Variants in STK3 observed in about 807,000 individuals in gnomAD.
The protein encoded by STK3 is serine/threonine-protein kinase 3.
Under a neutral mutation model 58.0 loss-of-function variants are expected in STK3, and 41 were observed. The ratio of observed to expected loss-of-function variants is 0.71; its 90% CI spans 0.55 to 0.92. The LOEUF is 0.92. Among genes scored for constraint, STK3 ranks in the 40% least tolerant of loss-of-function variants. The probability of loss-of-function intolerance (pLI) is 0.00; values close to 1 mark genes in which losing one functional copy is unlikely to be tolerated. For synonymous variants in STK3, 170 were observed against 191.0 expected (o/e 0.89, Z 0.91); for missense variants, 479 against 602.7 (o/e 0.79, Z 2.15).
chr8:98,567,931 G>A (rs1812624717), intron 8 of STK3, among the ~76,000 whole-genome samples: 1 of 152,008 alleles, frequency 6.6e-6, no homozygotes, highest in South Asian at 2.1e-4. Flanking sequence ...GGTGGCAGGC[G>A]CCTATAATCC....
intron 1 of STK3, among the ~76,000 whole-genome samples, chr8:98,795,807 A>C (rs916883921): frequency 1.9e-5 from 2 of 105,180 alleles, no homozygotes; most frequent in Non-Finnish European, 3.8e-5. Context: ...AATACAATAC[A>C]ATACAATACA....
At chr8:98,789,157 T>C (rs529534844) in intron 1 of STK3, among the ~76,000 whole-genome samples, 6 of 152,374 alleles carry the variant, frequency 3.9e-5, no homozygotes, top group South Asian at 2.1e-4. Context: ...TGCTTTTAAA[T>C]GATCATTGGG....
chr8:98,500,781 T>A (rs1220884416), intron 10 of STK3, among the ~76,000 whole-genome samples: 1 of 152,240 alleles, frequency 6.6e-6, no homozygotes, highest in Non-Finnish European at 1.5e-5. Context: ...GGTGTATACG[T>A]GCCACATCTT....
At chr8:98,642,699 T>TCCTATATGTA (rs565581498) in intron 6 of STK3, among the ~76,000 whole-genome samples, 1 of 152,166 alleles carries the variant, frequency 6.6e-6, no homozygotes, top group Non-Finnish European at 1.5e-5. Flanking sequence ...TTTTTAACCA[T>TCCTATATGTA]CCTATATGTA....
intron 4 of STK3, among the ~76,000 whole-genome samples, chr8:98,715,850 C>G (rs1182261199): frequency 6.6e-6 from 1 of 152,142 alleles, no homozygotes; most frequent in Non-Finnish European, 1.5e-5. Context: ...TACTGTGGCA[C>G]TATTCACAAT....
At chr8:98,813,824 GA>G (rs1290284775) in intron 1 of STK3, among the ~76,000 whole-genome samples, 1 of 151,942 alleles carries the variant, frequency 6.6e-6, no homozygotes, top group East Asian at 1.9e-4. Flanking sequence ...CACAAATTCA[GA>G]AAATATAGAC....
intron 3 of STK3, among the ~76,000 whole-genome samples, chr8:98,876,297 C>T (rs915922355): frequency 2.0e-5 from 3 of 152,172 alleles, no homozygotes; most frequent in African/African-American, 7.2e-5. Flanking sequence ...CACTTGATTG[C>T]TTGAAGTGGG....
chr8:98,707,314 G>T lies in STK3; in HGVS notation c.352-3C>A, dbSNP rs764899242. On this transcript the variant is annotated splice_region_variant and splice_polypyrimidine_tract_variant and intron_variant, in intron 4 of 10. Coordinates refer to ENST00000419617, the MANE Select transcript of STK3 (RefSeq NM_006281.4). Reference sequence around the variant, plus strand: ...GTTGCAATTTCATCTTCTATTAACTGGAAAGAAATATTTTTAAAACCATAA... The same window carrying T: ...GTTGCAATTTCATCTTCTATTAACTTGAAAGAAATATTTTTAAAACCATAA... 1 of 1,501,308 alleles carries T rather than the reference G, an allele frequency of 6.7e-7. No homozygotes were observed. Among genetic ancestry groups the T allele is most frequent in the African/African-American group, 1.4e-5 (1 of 70,792 alleles). 93.0% of individuals were successfully genotyped at this position (1,501,308 alleles called of 1,614,324 possible).
At chr8:98,600,126 T>C (rs1487439869) in intron 6 of STK3, among the ~76,000 whole-genome samples, 1 of 152,158 alleles carries the variant, frequency 6.6e-6, no homozygotes, top group Non-Finnish European at 1.5e-5. Context: ...ATTGGGAACA[T>C]GAACTCACAA....
Position 98,428,807 on chromosome 8 carries a change from G to A in STK3, n.483+5320C>T. 2 of 1,614,196 alleles carry A rather than the reference G, an allele frequency of 1.2e-6. No individual in the cohort carries two copies. Among genetic ancestry groups the A allele is most frequent in the Non-Finnish European group, 1.7e-6 (2 of 1,180,040 alleles). ...TCGTCCCCTTTTACATCACTCTGGTGGTGAACCTGGTGGTGGAGAGCACAC... is the reference window on the plus strand; with the variant it reads ...TCGTCCCCTTTTACATCACTCTGGTAGTGAACCTGGTGGTGGAGAGCACAC... On this transcript the variant is annotated intron_variant and non_coding_transcript_variant, in intron 3 of 3. Transcript: ENST00000517832. The surrounding 1 kb of genome is among the most constrained non-coding windows in gnomAD (Gnocchi z 6.7).
intron 1 of STK3, among the ~76,000 whole-genome samples, chr8:98,906,669 T>A (rs1353999064): frequency 6.6e-6 from 1 of 152,238 alleles, no homozygotes; most frequent in Non-Finnish European, 1.5e-5. Flanking sequence ...ATGTTATTTT[T>A]AAAAATTGCC....
rs568610831 is a variant in STK3, at chr8:98,777,578, G to A, written c.27-2759C>T. Among the ~76,000 whole-genome samples the A allele has an allele frequency of 6.6e-5, 10 of 152,312 alleles. No individual in the cohort carries two copies. In the South Asian group the frequency reaches 1.9e-3, roughly 28 times the overall value. On this transcript the variant is annotated intron_variant, in intron 1 of 10. Coordinates refer to ENST00000419617, the MANE Select transcript of STK3 (RefSeq NM_006281.4). ...TTATGGTAGTAGTAATGACAATGAA[G>A]ATGATGTTAACATTGCAGAAAAAGT...
At chr8:98,526,978 T>C in intron 9 of STK3, 61 bp from the exon 10 acceptor site, 1 of 1,320,930 alleles carries the variant, frequency 7.6e-7, no homozygotes, top group East Asian at 2.6e-5. Context: ...AGTATTTTCT[T>C]TGAAGTATGA....
chr8:98,460,985 T>C (rs1819925585), intron 10 of STK3, among the ~76,000 whole-genome samples: 1 of 152,242 alleles, frequency 6.6e-6, no homozygotes, highest in South Asian at 2.1e-4. Context: ...GGTAGAATGT[T>C]CTGTAAATAT....
At chr8:98,368,598 A>G (rs1453913863), downstream of STK3, among the ~76,000 whole-genome samples, 1 of 152,216 alleles carries the variant, frequency 6.6e-6, no homozygotes. Flanking sequence ...GTTAGGTCAA[A>G]TCTAGGGAAT....
At chr8:98,714,796 T>G (rs191793720) in intron 4 of STK3, among the ~76,000 whole-genome samples, 254 of 152,300 alleles carry the variant, frequency 1.7e-3, no homozygotes, top group African/African-American at 5.8e-3. Flanking sequence ...AAAGTTCATA[T>G]GGAACCCAAA....
At chr8:98,479,917 TAGG>T (rs1245026159) in intron 10 of STK3, among the ~76,000 whole-genome samples, 2 of 152,086 alleles carry the variant, frequency 1.3e-5, no homozygotes, top group East Asian at 3.9e-4. Context: ...CAAAAACAAA[TAGG>T]AGCTTTAAAA....
chr8:98,472,756 C>T (rs1285269445), intron 10 of STK3, among the ~76,000 whole-genome samples: 1 of 152,040 alleles, frequency 6.6e-6, no homozygotes, highest in Non-Finnish European at 1.5e-5. Flanking sequence ...TCACAATAAA[C>T]CAAAATAAAA....
intron 4 of STK3, among the ~76,000 whole-genome samples, chr8:98,738,920 C>T (rs899024859): frequency 1.3e-5 from 2 of 152,254 alleles, no homozygotes; most frequent in Non-Finnish European, 1.5e-5. Context: ...GCTTAAAAAA[C>T]GGTTCACCAG....
Sources: allele counts gnomAD v4.1 joint callset (sites outside exome capture counted in the v4.1 genomes callset), GRCh38; gene constraint gnomAD v4.1.1; non-coding constraint Gnocchi (gnomAD v3.1); transcripts MANE v1.5; gene names NCBI Gene and HGNC (gene_info 2026-07-23, HGNC 2026-07-21).